Variants in TMEM132D observed in about 807,000 individuals in gnomAD.
The protein encoded by TMEM132D is transmembrane protein 132D, also known as mature OL transmembrane protein.
Under a neutral mutation model 62.3 loss-of-function variants are expected in TMEM132D, and 21 were observed. The ratio of observed to expected loss-of-function variants is 0.34; its 90% CI spans 0.24 to 0.49. TMEM132D has a LOEUF of 0.49. TMEM132D is among the 20% of genes least tolerant of loss of function. The pLI is 0.99. For synonymous variants in TMEM132D, 621 were observed against 575.6 expected (o/e 1.08, Z -1.13); for missense variants, 1,346 against 1,402.8 (o/e 0.96, Z 0.65).
intron 5 of TMEM132D, among the ~76,000 whole-genome samples, chr12:129,124,107 G>A (rs1404496585): frequency 6.6e-6 from 1 of 152,090 alleles, no homozygotes; most frequent in Non-Finnish European, 1.5e-5. Context: ...GTAGCCTCAT[G>A]GTGAGTTTTC....
At chr12:129,602,068 T>C (rs550005542) in intron 2 of TMEM132D, among the ~76,000 whole-genome samples, 14 of 152,338 alleles carry the variant, frequency 9.2e-5, no homozygotes, top group African/African-American at 3.1e-4. Context: ...GTCTTTCTCA[T>C]TGGAGTCCAT....
intron 3 of TMEM132D, among the ~76,000 whole-genome samples, chr12:129,486,411 C>T (rs774649886): frequency 6.6e-6 from 1 of 152,160 alleles, no homozygotes; most frequent in Non-Finnish European, 1.5e-5. Context: ...AGACCCCATA[C>T]ATGTCACGGG....
intron 2 of TMEM132D, among the ~76,000 whole-genome samples, chr12:129,615,816 A>AAAAT (rs1361287408): frequency 4.7e-5 from 7 of 149,486 alleles, no homozygotes; most frequent in Non-Finnish European, 1.0e-4. Flanking sequence ...AAAATAAAAT[A>AAAAT]AAATAAAATA....
chr12:129,738,886 T>G (rs145575124), intron 1 of TMEM132D, among the ~76,000 whole-genome samples: 27 of 152,280 alleles, frequency 1.8e-4, no homozygotes, highest in African/African-American at 6.3e-4. Context: ...TACACGTACA[T>G]TATACCCAGA....
chr12:129,751,318 G>A (rs758310104), intron 1 of TMEM132D, among the ~76,000 whole-genome samples: 1 of 152,100 alleles, frequency 6.6e-6, no homozygotes, highest in African/African-American at 2.4e-5. Flanking sequence ...GGCACATGAC[G>A]CACTTTGAAA....
chr12:129,219,836 GC>G (rs1348855945), intron 4 of TMEM132D, among the ~76,000 whole-genome samples: 1 of 152,150 alleles, frequency 6.6e-6, no homozygotes, highest in African/African-American at 2.4e-5. Context: ...GGCTCCACAT[GC>G]CCTGGATGAA....
intron 1 of TMEM132D, among the ~76,000 whole-genome samples, chr12:129,803,087 A>G (rs1355415060): frequency 6.6e-6 from 1 of 151,298 alleles, no homozygotes; most frequent in Non-Finnish European, 1.5e-5. Context: ...CACATTAATA[A>G]TGGGAGACTT....
intron 3 of TMEM132D, among the ~76,000 whole-genome samples, chr12:129,366,857 T>C (rs530071535): frequency 6.6e-6 from 1 of 152,268 alleles, no homozygotes; most frequent in East Asian, 1.9e-4. Flanking sequence ...AGATGGGCTG[T>C]CAACAGATGG....
intron 4 of TMEM132D, among the ~76,000 whole-genome samples, chr12:129,301,006 C>T (rs1463460976): frequency 2.0e-5 from 3 of 152,146 alleles, no homozygotes; most frequent in South Asian, 2.1e-4. Context: ...TACAAATGAT[C>T]GAGAATCATC....
At chr12:129,767,629 A>G (rs1234552686) in intron 1 of TMEM132D, among the ~76,000 whole-genome samples, 1 of 152,326 alleles carries the variant, frequency 6.6e-6, no homozygotes. Flanking sequence ...CTCACTTAGC[A>G]TAATGCCCTC....
At chr12:129,751,199 T>C (rs1869989460) in intron 1 of TMEM132D, among the ~76,000 whole-genome samples, 1 of 152,190 alleles carries the variant, frequency 6.6e-6, no homozygotes, top group South Asian at 2.1e-4. Context: ...CCTCAGGCTC[T>C]ACAGGAATCA....
chr12:129,716,916 T>C lies in TMEM132D; in HGVS notation c.80-16218A>G, dbSNP rs953653423. Among the ~76,000 whole-genome samples, 4 of 152,322 alleles carry C rather than the reference T, an allele frequency of 2.6e-5. No homozygotes were observed. In the East Asian group the frequency reaches 5.8e-4, roughly 22 times the overall value. Reference sequence around the variant, plus strand: ...GCACCCATCTTCATGGTCATAGGAATTTGTGGGGAAACACATTTAGCGTCT... The same window carrying C: ...GCACCCATCTTCATGGTCATAGGAACTTGTGGGGAAACACATTTAGCGTCT... On this transcript the variant is annotated intron_variant, in intron 1 of 8. Coordinates refer to ENST00000422113, the MANE Select transcript of TMEM132D (RefSeq NM_133448.3).
Position 129,517,807 on chromosome 12 carries a change from T to C in TMEM132D, c.1115+13252A>G, listed in dbSNP as rs531056148. On this transcript the variant is annotated intron_variant, in intron 3 of 8. Transcript: ENST00000422113. ...GTAGTTTTCTATGTGGCAGGCATGG[T>C]TGAATAAGGAACAAGGAGAAATTAT... Among the ~76,000 whole-genome samples, 50 of 152,316 alleles carry C rather than the reference T, an allele frequency of 3.3e-4. 1 individual carries two copies. The highest frequency in any genetic ancestry group is 9.1e-4 in the African/African-American group (38 of 41,570).
At chr12:129,843,658 A>G (rs1194441295) in intron 1 of TMEM132D, among the ~76,000 whole-genome samples, 1 of 152,248 alleles carries the variant, frequency 6.6e-6, no homozygotes, top group Non-Finnish European at 1.5e-5. Flanking sequence ...ATTAGAGTCT[A>G]TAATACAAAT....
At chr12:129,148,799 G>A (rs191298997) in intron 5 of TMEM132D, among the ~76,000 whole-genome samples, 1 of 152,288 alleles carries the variant, frequency 6.6e-6, no homozygotes, top group South Asian at 2.1e-4. Flanking sequence ...GAGGCTTCCT[G>A]GCAGGCCAGG....
chr12:129,173,227 C>T (rs961537411), intron 5 of TMEM132D, among the ~76,000 whole-genome samples: 82 of 152,242 alleles, frequency 5.4e-4, no homozygotes, highest in African/African-American at 1.9e-3. Flanking sequence ...ATAACAAATG[C>T]AATATCTTGG....
intron 5 of TMEM132D, among the ~76,000 whole-genome samples, chr12:129,157,453 A>C (rs1269211103): frequency 6.6e-6 from 1 of 152,222 alleles, no homozygotes; most frequent in Non-Finnish European, 1.5e-5. Flanking sequence ...TCCACTCTTT[A>C]TGTTCACATC....
At chr12:129,218,937 G>C (rs73420105) in intron 4 of TMEM132D, among the ~76,000 whole-genome samples, 281 of 152,278 alleles carry the variant, frequency 1.8e-3, no homozygotes, top group African/African-American at 6.5e-3. Context: ...TACAGAGGGA[G>C]GATTCTCCCA....
intron 2 of TMEM132D, among the ~76,000 whole-genome samples, chr12:129,561,873 T>C (rs1877243991): frequency 6.6e-6 from 1 of 152,214 alleles, no homozygotes. Flanking sequence ...AGGCTCAGCT[T>C]ATGAATTGTT....
Sources: allele counts gnomAD v4.1 joint callset (sites outside exome capture counted in the v4.1 genomes callset), GRCh38; gene constraint gnomAD v4.1.1; transcripts MANE v1.5; gene names NCBI Gene and HGNC (gene_info 2026-07-23, HGNC 2026-07-21).